Variants in GOLGA8H observed in about 807,000 individuals in gnomAD.
GOLGA8H encodes the protein golgin A8 family member H.
GOLGA8H carries 47 observed loss-of-function variants against 82.7 expected under a neutral mutation model. That is an observed-to-expected ratio of 0.57 (90% CI 0.45 to 0.73). GOLGA8H has a LOEUF of 0.73. Ranked by LOEUF, GOLGA8H falls within the 30% of genes least tolerant of loss-of-function variation. The probability of loss-of-function intolerance (pLI) is 0.00; values close to 1 mark genes in which losing one functional copy is unlikely to be tolerated. For missense variants in GOLGA8H, 372 were observed against 661.0 expected, an observed-to-expected ratio of 0.56 and a Z score of 4.79; for synonymous variants, 108 against 241.6, an observed-to-expected ratio of 0.45 and a Z score of 5.13.
rs1818842714 is a variant in GOLGA8H, at chr15:30,615,461, CA to C, written c.*902del. 2.0e-5 allele frequency among the ~76,000 whole-genome samples: 3 copies of C among 151,684 alleles called. No individual in the cohort carries two copies. In the South Asian group the frequency reaches 6.2e-4, roughly 32 times the overall value. ...TCCTAGCTTAGAGCATTTGTATCTACAATACATTTTAAAGTCAGAGTTCATG... is the reference window on the plus strand; with the variant it reads ...TCCTAGCTTAGAGCATTTGTATCTACATACATTTTAAAGTCAGAGTTCATG... On this transcript the variant is annotated 3_prime_UTR_variant, in exon 19 of 19. Transcript: ENST00000566740.
Position 30,608,638 on chromosome 15 carries a change from T to C in GOLGA8H, c.482-9T>C. The C allele has an allele frequency of 6.3e-7, 1 of 1,599,792 alleles. No homozygotes were observed. The highest frequency in any genetic ancestry group is 8.5e-7 in the Non-Finnish European group (1 of 1,177,622). On this transcript the variant is annotated splice_polypyrimidine_tract_variant and intron_variant, in intron 7 of 18. Coordinates refer to ENST00000566740, the MANE Select transcript of GOLGA8H (RefSeq NM_001282490.2). ...TCCTTTGGGCCCCATCTCAACTTTC[T>C]CATTACAGAAAAGTCCAAGGATCTG...
At chr15:30,613,382 T>TG (rs1158305910) in intron 15 of GOLGA8H, among the ~76,000 whole-genome samples, 187 bp downstream of exon 15, 1 of 93,500 alleles carries the variant, frequency 1.1e-5, no homozygotes, top group East Asian at 2.1e-4. Context: ...GGGAAGGGGC[T>TG]GCGCTCCACC....
chr15:30,610,072 G>C lies in GOLGA8H; in HGVS notation c.752G>C (p.Arg251Pro). Residue 251 changes from arginine to proline, a missense_variant, in exon 10 of 19, where the codon CGG (arginine) becomes CCG (proline). Transcript: ENST00000566740. ...CAEHLKGERA[R>P]WQQRMRKMSQ... is the part of the protein sequence containing the mutation. ...GAACATCTAAAAGGAGAGAGGGCCCGGTGGCAGCAGAGGATGAGAAAAATG... is the reference window on the plus strand; with the variant it reads ...GAACATCTAAAAGGAGAGAGGGCCCCGTGGCAGCAGAGGATGAGAAAAATG... 5 of 1,611,272 alleles carry C rather than the reference G, an allele frequency of 3.1e-6. No individual in the cohort carries two copies. Among genetic ancestry groups the C allele is most frequent in the Middle Eastern group, 2.0e-4 (1 of 4,924 alleles).
In GOLGA8H at chr15:30,605,927, A is replaced by T; in HGVS notation, c.133A>T (p.Lys45Ter). ...GAAAACAAATGGCAGTGTCCCTGAG[A>T]AAGCCACTTCTGGTGGTTGCCAGCC... ...NRKTNGSVPE[K>*]ATSGGCQPPG... The change falls in exon 2 of 19, where the codon AAA becomes TAA. Residue 45 changes from lysine (K) to a stop codon, truncating the protein, a stop_gained. Coordinates refer to ENST00000566740, the MANE Select transcript of GOLGA8H (RefSeq NM_001282490.2). LOFTEE classifies it high-confidence loss of function. The T allele has an allele frequency of 6.3e-7, 1 of 1,596,646 alleles. No homozygotes were observed. The highest frequency in any genetic ancestry group is 8.5e-7 in the Non-Finnish European group (1 of 1,177,348).
At chr15:30,608,859 C>A in intron 8 of GOLGA8H, 103 bp downstream of exon 8, 2 of 1,011,312 alleles carry the variant, frequency 2.0e-6, no homozygotes, top group Admixed American at 2.0e-5. Context: ...GCCCAGAAGG[C>A]AGCATGGCCA....
chr15:30,608,497 G>T lies in GOLGA8H; in HGVS notation c.427G>T (p.Gly143Trp). The change falls in exon 7 of 19, where the codon GGG (glycine) becomes TGG (tryptophan). Residue 143 changes from glycine (G) to tryptophan (W), a missense_variant. Physicochemically the swap from Gly to Trp is radical, Grantham distance 184. Coordinates refer to ENST00000566740, the MANE Select transcript of GOLGA8H (RefSeq NM_001282490.2). The part of the protein sequence containing the change: ...VQIQTLNIQK[G>W]KLNTDLYHMK... ...AATCCAGACATTGAACATACAGAAA[G>T]GGAAACTAAATACGGACCTGTACCA... is the stretch of plus-strand genomic sequence containing the variant. The T allele has an allele frequency of 6.2e-7, 1 of 1,611,148 alleles. No individual in the cohort carries two copies. Among genetic ancestry groups the T allele is most frequent in the Non-Finnish European group, 8.5e-7 (1 of 1,179,630 alleles).
intron 11 of GOLGA8H, 128 bp downstream of exon 11, chr15:30,610,517 G>A (rs887505274): frequency 2.9e-5 from 18 of 628,432 alleles, no homozygotes; most frequent in Middle Eastern, 8.5e-4. Context: ...TCTGTGCCAG[G>A]AGACGGCGAG....
intron 13 of GOLGA8H, 27 bp downstream of exon 13, chr15:30,611,373 A>C (rs2060016880): frequency 1.1e-6 from 1 of 879,628 alleles, no homozygotes; most frequent in Non-Finnish European, 1.8e-6. Context: ...CCTCCACCCC[A>C]TCCAAGAAGG....
At position 30,612,591 on chromosome 15, in the gene GOLGA8H, C is replaced by T. The variant is rs2060039505; in HGVS notation, c.1201-6C>T. On this transcript the variant is annotated splice_polypyrimidine_tract_variant and splice_region_variant and intron_variant, in intron 13 of 18. Transcript: ENST00000566740. Reference sequence around the variant, plus strand: ...CACCCCTTCTCACTCTGTCCTGGCCCCTTAGGAGCACCTGGAAGCTGCCAG... The same window carrying T: ...CACCCCTTCTCACTCTGTCCTGGCCTCTTAGGAGCACCTGGAAGCTGCCAG... 1.2e-5 allele frequency: 19 copies of T among 1,596,712 alleles called. No homozygotes were observed. Among genetic ancestry groups the T allele is most frequent in the Non-Finnish European group, 1.5e-5 (18 of 1,177,028 alleles).
rs1567498552 is a variant in GOLGA8H at position 30,617,034 on chromosome 15, T to TA, written c.*2478dup. The TA allele has an allele frequency of 6.8e-6, 1 of 147,398 alleles. No individual in the cohort carries two copies. The highest frequency in any genetic ancestry group is 1.5e-5 in the Non-Finnish European group (1 of 67,018). 9.1% of individuals were successfully genotyped at this position (147,398 alleles called of 1,614,324 possible). A position where few individuals can be genotyped will look rare whatever the true frequency, so the allele number is the denominator to read the frequency against. On this transcript the variant is annotated 3_prime_UTR_variant, in exon 19 of 19. Coordinates refer to ENST00000566740, the MANE Select transcript of GOLGA8H (RefSeq NM_001282490.2). ...ATTTGTCATATATTTAAGAAAAAGC[T>TA]AAAAAGAATGGAAATTGTATGACAA...
chr15:30,609,676 A>G, intron 8 of GOLGA8H, 130 bp from the exon 9 acceptor site: 1 of 1,235,590 alleles, frequency 8.1e-7, no homozygotes, highest in Non-Finnish European at 1.2e-6. Flanking sequence ...AAACCAGACC[A>G]CGGGCTTGGA....
chr15:30,607,647 C>T (rs1469795517), intron 4 of GOLGA8H: 2 of 474,220 alleles, frequency 4.2e-6, no homozygotes, highest in South Asian at 4.4e-5. Flanking sequence ...CCTGTCTGTC[C>T]TTTTCCATCC....
rs1156583356 is a variant in GOLGA8H, at chr15:30,617,721, T to C, written c.*3160T>C. On this transcript the variant is annotated 3_prime_UTR_variant, in exon 19 of 19. Transcript: ENST00000566740. ...TTATTGACTGCTGGTGTGATGCCAC[T>C]GTAATGTAATAAATTATTAAATTGT... The C allele has an allele frequency of 6.6e-6, 1 of 152,374 alleles. No homozygotes were observed. Among genetic ancestry groups the C allele is most frequent in the Admixed American group, 6.6e-5 (1 of 15,262 alleles). The allele number at this position is 152,374 out of a possible 1,614,324, so 9.4% of individuals were successfully genotyped here. A position where few individuals can be genotyped will look rare whatever the true frequency, so the allele number is the denominator to read the frequency against.
chr15:30,605,934 C>T lies in GOLGA8H; in HGVS notation c.140C>T (p.Thr47Ile). ...AATGGCAGTGTCCCTGAGAAAGCCA[C>T]TTCTGGTGGTTGCCAGCCACCTGGG... is the stretch of plus-strand genomic sequence containing the variant. ...KTNGSVPEKA[T>I]SGGCQPPGDS... Residue 47 changes from threonine (T) to isoleucine (I), a missense_variant, in exon 2 of 19, where the codon ACT (threonine) becomes ATT (isoleucine). Coordinates refer to ENST00000566740, the MANE Select transcript of GOLGA8H (RefSeq NM_001282490.2). The T allele has an allele frequency of 3.1e-6, 5 of 1,597,264 alleles. No homozygotes were observed. Among genetic ancestry groups the T allele is most frequent in the Non-Finnish European group, 4.2e-6 (5 of 1,177,572 alleles).
chr15:30,613,353 G>A (rs1224902568), intron 15 of GOLGA8H, among the ~76,000 whole-genome samples, 158 bp downstream of exon 15: 1 of 94,140 alleles, frequency 1.1e-5, no homozygotes, highest in Non-Finnish European at 2.2e-5. Flanking sequence ...GCCAACAGGT[G>A]CACTCTCTGA....
At position 30,616,098 on chromosome 15, in the gene GOLGA8H, T is replaced by C. The variant is rs888835427; in HGVS notation, c.*1537T>C. Among the ~76,000 whole-genome samples the C allele has an allele frequency of 5.3e-5, 8 of 152,028 alleles. No individual in the cohort carries two copies. Among genetic ancestry groups the C allele is most frequent in the Non-Finnish European group, 1.2e-4 (8 of 67,992 alleles). ...TCTGTTCGGGACATATTTTGTGCGA[T>C]ATTTATGTGATTGTGCCTATGCATG... On this transcript the variant is annotated 3_prime_UTR_variant, in exon 19 of 19. Coordinates refer to ENST00000566740, the MANE Select transcript of GOLGA8H (RefSeq NM_001282490.2).
Position 30,616,845 on chromosome 15 carries a change from G to C in GOLGA8H, c.*2284G>C, listed in dbSNP as rs62018328. 1 of 150,312 alleles carries C rather than the reference G, an allele frequency of 6.7e-6. No homozygotes were observed. The highest frequency in any genetic ancestry group is 2.1e-4 in the South Asian group (1 of 4,786). 9.3% of individuals were successfully genotyped at this position (150,312 alleles called of 1,614,324 possible). Reference sequence around the variant, plus strand: ...CACTTTTACCCTGATAAATATCAGTGACTAGAATGACCTTCGGATAGTGTT... The same window carrying C: ...CACTTTTACCCTGATAAATATCAGTCACTAGAATGACCTTCGGATAGTGTT... On this transcript the variant is annotated 3_prime_UTR_variant, in exon 19 of 19. Coordinates refer to ENST00000566740, the MANE Select transcript of GOLGA8H (RefSeq NM_001282490.2).
chr15:30,609,820 C>A lies in GOLGA8H; in HGVS notation c.606C>A (p.Ser202Arg), dbSNP rs746202076. 2.0e-5 allele frequency: 32 copies of A among 1,575,416 alleles called. 1 individual carries two copies. Among genetic ancestry groups the A allele is most frequent in the Non-Finnish European group, 2.5e-5 (29 of 1,154,294 alleles). ...KKKANQLSSR[S>R]KARTEWKLEQ... ...TCACCATCCAGTTGTCCAGCCGCAG[C>A]AAAGCACGTACGGAGTGGAAGTTAG... The change falls in exon 9 of 19, where the codon AGC (serine) becomes AGA (arginine). Residue 202 changes from serine (S) to arginine (R), a missense_variant. Transcript: ENST00000566740.
At chr15:30,606,029 G>A in intron 2 of GOLGA8H, 67 bp downstream of exon 2, 1 of 1,546,966 alleles carries the variant, frequency 6.5e-7, no homozygotes, top group South Asian at 1.2e-5. Context: ...TAATTCTTAA[G>A]ATTGTGGATG....
Sources: allele counts gnomAD v4.1 joint callset (sites outside exome capture counted in the v4.1 genomes callset), GRCh38; gene constraint gnomAD v4.1.1; transcripts MANE v1.5; gene names NCBI Gene and HGNC (gene_info 2026-07-23, HGNC 2026-07-21).